CDK12: variants seen among roughly 807,000 people sequenced by gnomAD.
The protein encoded by CDK12 is cyclin dependent kinase 12.
Under a neutral mutation model 133.8 loss-of-function variants are expected in CDK12, and 17 were observed. The ratio of observed to expected loss-of-function variants is 0.13; its 90% CI spans 0.09 to 0.19. CDK12 has a LOEUF of 0.19. CDK12 is among the 10% of genes least tolerant of loss of function. The pLI, the probability that CDK12 is intolerant of heterozygous loss-of-function variation, is 1.00. For synonymous variants in CDK12, 694 were observed against 683.6 expected, an observed-to-expected ratio of 1.02 and a Z score of -0.24; for missense variants, 1,508 against 1,818.7, an observed-to-expected ratio of 0.83 and a Z score of 3.11.
Position 39,517,485 on chromosome 17 carries a change from C to A in CDK12, c.2892C>A (p.Ile964=), listed in dbSNP as rs150411581. 1.1e-3 allele frequency: 1,759 copies of A among 1,613,818 alleles called. 1 individual carries two copies. Among genetic ancestry groups the A allele is most frequent in the Admixed American group, 1.3e-3 (79 of 60,006 alleles). ...SPCPAVWPDV[I]KLPYFNTMKP... is the part of the protein sequence containing the mutation. ...GTCCAGCTGTGTGGCCTGATGTTAT[C>A]AAACTGCCCTACTTCAACACCATGA... Residue 964 remains isoleucine (I), a synonymous_variant, in exon 10 of 14, where the codon ATC becomes ATA. Transcript: ENST00000447079.
intron 2 of CDK12, 85 bp downstream of exon 2, chr17:39,471,848 A>C (rs1245656964): frequency 3.5e-6 from 4 of 1,129,840 alleles, no homozygotes; most frequent in Non-Finnish European, 5.1e-6. Context: ...CACTACCCTC[A>C]TGGTTTTATG....
intron 2 of CDK12, among the ~76,000 whole-genome samples, chr17:39,478,011 A>G (rs1443306144): frequency 6.7e-6 from 1 of 148,586 alleles, no homozygotes; most frequent in African/African-American, 2.5e-5. Context: ...GGGCCCATCT[A>G]ATTATTTTTA....
At chr17:39,509,486 G>C (rs1025010731) in intron 6 of CDK12, among the ~76,000 whole-genome samples, 6 of 152,002 alleles carry the variant, frequency 3.9e-5, no homozygotes, top group African/African-American at 1.4e-4. Context: ...AGTCAAAAAA[G>C]GTTTAATTAG....
chr17:39,490,257 C>T (rs896727319), intron 2 of CDK12, among the ~76,000 whole-genome samples: 4 of 151,594 alleles, frequency 2.6e-5, no homozygotes, highest in African/African-American at 9.7e-5. Flanking sequence ...ATCCCAGCTA[C>T]TTGGGAAGCT....
rs1473672331 is a variant in CDK12 at position 39,462,232 on chromosome 17, G to A, written c.161G>A (p.Gly54Glu). ...AAGTCCAAACACTCCAAAGACATGG[G>A]GTTGGTGACCCCCGAAGCAGCATCC... is the stretch of plus-strand genomic sequence containing the variant. ...RHKSKHSKDM[G>E]LVTPEAASLG... The change falls in exon 1 of 14, where the codon GGG becomes GAG. Residue 54 changes from glycine (G) to glutamate (E), a missense_variant. Gly to Glu is a moderately conservative substitution (Grantham distance 98). This residue lies in a region of CDK12 where 460 missense variants were observed against 490.8 expected (regional missense o/e 0.94). Transcript: ENST00000447079. The A allele has an allele frequency of 4.3e-6, 7 of 1,614,034 alleles. No individual in the cohort carries two copies. The highest frequency in any genetic ancestry group is 4.0e-5 in the African/African-American group (3 of 74,916).
chr17:39,469,632 ACTT>A (rs1249087557), intron 1 of CDK12, among the ~76,000 whole-genome samples: 7 of 145,250 alleles, frequency 4.8e-5, no homozygotes, highest in Admixed American at 2.1e-4. Flanking sequence ...ATGGAGTATG[ACTT>A]CTTTTTTTTT....
intron 1 of CDK12, among the ~76,000 whole-genome samples, chr17:39,466,621 A>G (rs1320399666): frequency 1.7e-3 from 63 of 36,838 alleles, no homozygotes; most frequent in Non-Finnish European, 3.1e-3. Context: ...ATCTGAAAAA[A>G]AAAAAAAAAA....
chr17:39,474,781 C>CTGTTT (rs2050059350), intron 2 of CDK12, among the ~76,000 whole-genome samples: 1 of 94,134 alleles, frequency 1.1e-5, no homozygotes, highest in Non-Finnish European at 2.1e-5. Context: ...ATGATGTTTC[C>CTGTTT]TTTTTTTTTT....
At chr17:39,562,512 G>A (rs955531559) in intron 3 of CDK12, among the ~76,000 whole-genome samples, 1 of 151,784 alleles carries the variant, frequency 6.6e-6, no homozygotes, top group African/African-American at 2.4e-5. Context: ...CTCTATTCAG[G>A]TCCCCACCTC....
At chr17:39,566,927 G>A (rs1043396002), downstream of CDK12, 12 of 152,442 alleles carry the variant, frequency 7.9e-5, no homozygotes, top group African/African-American at 2.9e-4. Flanking sequence ...ATGTGGAGAG[G>A]CCTGGGGCCT....
intron 6 of CDK12, among the ~76,000 whole-genome samples, chr17:39,504,879 CAAAA>C (rs141083545): frequency 7.1e-5 from 3 of 42,498 alleles, no homozygotes; most frequent in African/African-American, 2.0e-4. Context: ...GACCCTGTCT[CAAAA>C]AAAAAAAAAA....
chr17:39,493,462 C>T (rs1312905472), intron 4 of CDK12, among the ~76,000 whole-genome samples: 1 of 151,940 alleles, frequency 6.6e-6, no homozygotes, highest in Admixed American at 6.6e-5. Context: ...GCATGCACCA[C>T]CACACCCAGC....
chr17:39,515,652 A>G lies in CDK12; in HGVS notation c.2769-79A>G. ...ATCTTGGTTGCAATCCGACATATCAATAATGTAAAAATTTTTTGAGACACT... is the reference window on the plus strand; with the variant it reads ...ATCTTGGTTGCAATCCGACATATCAGTAATGTAAAAATTTTTTGAGACACT... On this transcript the variant is annotated intron_variant, in intron 8 of 13. Transcript: ENST00000447079. The G allele has an allele frequency of 3.5e-6, 3 of 856,674 alleles. No homozygotes were observed. The South Asian group carries it at 4.6e-5, about 13-fold the overall frequency. 53.1% of individuals were successfully genotyped at this position (856,674 alleles called of 1,614,324 possible).
chr17:39,509,824 C>A, intron 7 of CDK12, 63 bp downstream of exon 7: 1 of 1,279,212 alleles, frequency 7.8e-7, no homozygotes, highest in Non-Finnish European at 1.1e-6. Context: ...TTTTTTGAGG[C>A]AGGATCTTAT....
At chr17:39,495,198 C>T (rs977402187) in intron 5 of CDK12, among the ~76,000 whole-genome samples, 2 of 152,042 alleles carry the variant, frequency 1.3e-5, no homozygotes, top group Non-Finnish European at 2.9e-5. Context: ...CGTGCCTCAG[C>T]CCCCAAGTAG....
chr17:39,519,282 C>T (rs996515159), intron 10 of CDK12, among the ~76,000 whole-genome samples: 4 of 131,216 alleles, frequency 3.0e-5, no homozygotes, highest in Admixed American at 7.7e-5. Flanking sequence ...TTTGGTTTTA[C>T]ATGGAAATTC....
rs1271555954 is a variant in CDK12, at chr17:39,533,487, G to A, written c.*2171G>A. On this transcript the variant is annotated 3_prime_UTR_variant, in exon 14 of 14. Transcript: ENST00000447079. ...GCCTGGGATACTTTCAGAAGTATCTGTTCAATGAAAAAAAGTTGGTTTCCC... is the reference window on the plus strand; with the variant it reads ...GCCTGGGATACTTTCAGAAGTATCTATTCAATGAAAAAAAGTTGGTTTCCC... 4.3e-6 allele frequency: 1 copy of A among 232,804 alleles called. No individual in the cohort carries two copies. The highest frequency in any genetic ancestry group is 2.2e-5 in the African/African-American group (1 of 45,224). 14.4% of individuals were successfully genotyped at this position (232,804 alleles called of 1,614,324 possible). A position where few individuals can be genotyped will look rare whatever the true frequency, so the allele number is the denominator to read the frequency against.
chr17:39,511,251 G>A (rs1351507376), intron 7 of CDK12, among the ~76,000 whole-genome samples: 1 of 149,298 alleles, frequency 6.7e-6, no homozygotes, highest in Non-Finnish European at 1.5e-5. Flanking sequence ...AGATCTTGCT[G>A]TGTTGACCAG....
chr17:39,530,326 C>A (rs572259099), intron 13 of CDK12: 2 of 355,724 alleles, frequency 5.6e-6, no homozygotes, highest in African/African-American at 2.1e-5. Context: ...TAGAACAGTT[C>A]TTTAAAGGAA....
Sources: allele counts gnomAD v4.1 joint callset (sites outside exome capture counted in the v4.1 genomes callset), GRCh38; gene constraint gnomAD v4.1.1; regional missense constraint gnomAD v4.1.1; transcripts MANE v1.5; gene names NCBI Gene and HGNC (gene_info 2026-07-23, HGNC 2026-07-21).